The following FAM110B variants were observed in gnomAD, a reference collection of about 807,000 sequenced individuals.
FAM110B encodes family with sequence similarity 110 member B.
A neutral mutation model predicts 20.4 loss-of-function variants in FAM110B; 6 were observed. The ratio of observed to expected loss-of-function variants is 0.29; its 90% CI spans 0.16 to 0.58. The LOEUF is 0.58. FAM110B is among the 20% of genes least tolerant of loss of function. FAM110B has a pLI of 0.90. For missense variants in FAM110B, 434 were observed against 498.2 expected (o/e 0.87, Z 1.23); for synonymous variants, 226 against 214.1 (o/e 1.06, Z -0.49).
chr8:58,097,823 C>T (rs927099802), intron 3 of FAM110B, among the ~76,000 whole-genome samples: 1 of 152,208 alleles, frequency 6.6e-6, no homozygotes, highest in Non-Finnish European at 1.5e-5. Context: ...AACAGTCAGG[C>T]CCCTCTGCTA....
intron 2 of FAM110B, among the ~76,000 whole-genome samples, chr8:58,059,727 G>GAGC: frequency 6.6e-6 from 1 of 151,224 alleles, no homozygotes; most frequent in Non-Finnish European, 1.5e-5. Context: ...GTTATTTGAT[G>GAGC]AGCAGACATT....
chr8:58,147,398 G>A lies in FAM110B; in HGVS notation c.*55G>A. ...TCTCTGTGCTTACGCAGTTGTGAAG[G>A]TTGTGAGGTCTCCTTGAAGTGTTGT... On this transcript the variant is annotated 3_prime_UTR_variant, in exon 4 of 4. Coordinates refer to ENST00000519262, the MANE Select transcript of FAM110B (RefSeq NM_001377989.1). The A allele has an allele frequency of 1.3e-6, 2 of 1,558,928 alleles. No individual in the cohort carries two copies. The highest frequency in any genetic ancestry group is 1.7e-6 in the Non-Finnish European group (2 of 1,150,934).
intron 3 of FAM110B, among the ~76,000 whole-genome samples, chr8:58,079,907 G>T (rs1806147464): frequency 6.6e-6 from 1 of 152,170 alleles, no homozygotes; most frequent in South Asian, 2.1e-4. Context: ...TGTAAATGTA[G>T]TCACTGTTTT....
intron 3 of FAM110B, among the ~76,000 whole-genome samples, chr8:58,137,559 TA>T (rs1411822984): frequency 1.9e-4 from 28 of 146,648 alleles, no homozygotes; most frequent in East Asian, 4.0e-4. Context: ...GCCTCCGTCT[TA>T]AAAAAAAAAA....
intron 3 of FAM110B, among the ~76,000 whole-genome samples, chr8:58,141,778 G>T (rs140234574): frequency 3.9e-5 from 6 of 152,118 alleles, no homozygotes; most frequent in Non-Finnish European, 4.4e-5. Context: ...TTGCTGTTGC[G>T]TCAACAATGA....
intron 3 of FAM110B, among the ~76,000 whole-genome samples, chr8:58,121,392 G>A (rs983025563): frequency 2.6e-5 from 4 of 152,304 alleles, no homozygotes; most frequent in African/African-American, 9.6e-5. Context: ...CAGATTCCAA[G>A]CATCCATATG....
intron 3 of FAM110B, among the ~76,000 whole-genome samples, chr8:58,081,274 T>C (rs983049609): frequency 6.6e-6 from 1 of 152,168 alleles, no homozygotes; most frequent in Non-Finnish European, 1.5e-5. Context: ...TGGCACAACC[T>C]CAGCTTACTC....
At chr8:58,061,093 G>A (rs779072455) in intron 2 of FAM110B, among the ~76,000 whole-genome samples, 17 of 152,136 alleles carry the variant, frequency 1.1e-4, no homozygotes, top group Non-Finnish European at 2.1e-4. Context: ...CTAAAGCCTG[G>A]CATTGATTTA....
intron 2 of FAM110B, among the ~76,000 whole-genome samples, chr8:58,046,127 A>T (rs1419813392): frequency 1.3e-5 from 2 of 152,096 alleles, no homozygotes; most frequent in African/African-American, 4.8e-5. Flanking sequence ...TTCTGCTATG[A>T]TCTTATTGTT....
At chr8:58,027,485 T>A (rs1321416860) in intron 1 of FAM110B, among the ~76,000 whole-genome samples, 2 of 152,126 alleles carry the variant, frequency 1.3e-5, no homozygotes, top group African/African-American at 4.8e-5. Context: ...TTACTGATTT[T>A]AAGTGTATGG....
intron 3 of FAM110B, among the ~76,000 whole-genome samples, chr8:58,111,945 C>T (rs2150619799): frequency 6.6e-6 from 1 of 152,262 alleles, no homozygotes; most frequent in Non-Finnish European, 1.5e-5. Context: ...ACACTTCAAG[C>T]AAAAGGCCAC....
chr8:58,000,735 A>C (rs1282920654), intron 1 of FAM110B, among the ~76,000 whole-genome samples: 1 of 152,214 alleles, frequency 6.6e-6, no homozygotes, highest in Non-Finnish European at 1.5e-5. Flanking sequence ...ATACCAGTGA[A>C]TCCTGATTAC....
rs942500306 is a variant in FAM110B, at chr8:58,070,369, G to A, written c.-413-5166G>A. The stretch of plus-strand genomic sequence containing the variant: ...CAGCCGGCTGCTGTGGGAGGTCAGT[G>A]AAGGAGGCTCAGTTCATGGTAATTA... On this transcript the variant is annotated intron_variant, in intron 2 of 3. Coordinates refer to ENST00000519262, the MANE Select transcript of FAM110B (RefSeq NM_001377989.1). 2.0e-5 allele frequency: 3 copies of A among 152,240 alleles called. No individual in the cohort carries two copies. In the South Asian group the frequency reaches 6.2e-4, roughly 32 times the overall value. 9.4% of individuals were successfully genotyped at this position (152,240 alleles called of 1,614,324 possible). A position where few individuals can be genotyped will look rare whatever the true frequency, so the allele number is the denominator to read the frequency against.
Position 58,146,187 on chromosome 8 carries a change from C to G in FAM110B, c.-44C>G, listed in dbSNP as rs1036438168. The G allele has an allele frequency of 6.4e-7, 1 of 1,551,370 alleles. No homozygotes were observed. Among genetic ancestry groups the G allele is most frequent in the Non-Finnish European group, 8.7e-7 (1 of 1,147,668 alleles). ...GTCTATTCAGGCCTTGCGGAGGCGC[C>G]CAGAAGAGCATCCAACACGGCTGCC... is the stretch of plus-strand genomic sequence containing the variant. On this transcript the variant is annotated 5_prime_UTR_variant, in exon 4 of 4. Coordinates refer to ENST00000519262, the MANE Select transcript of FAM110B (RefSeq NM_001377989.1).
chr8:58,085,788 C>T (rs934262400), intron 3 of FAM110B, among the ~76,000 whole-genome samples: 2 of 152,164 alleles, frequency 1.3e-5, no homozygotes, highest in Non-Finnish European at 2.9e-5. Flanking sequence ...GAAGTTTTTG[C>T]GGGGTGGTTT....
intron 3 of FAM110B, among the ~76,000 whole-genome samples, chr8:58,143,082 C>T (rs1803777402): frequency 6.6e-6 from 1 of 152,250 alleles, no homozygotes; most frequent in Non-Finnish European, 1.5e-5. Context: ...CACTGTATAG[C>T]TCTGTCCCAG....
At chr8:58,136,755 A>T (rs996869055) in intron 3 of FAM110B, among the ~76,000 whole-genome samples, 2 of 152,096 alleles carry the variant, frequency 1.3e-5, no homozygotes, top group Non-Finnish European at 2.9e-5. Flanking sequence ...GAAATGTGAA[A>T]TTTTTTTCTG....
chr8:58,125,354 A>G (rs1348014559), intron 3 of FAM110B, among the ~76,000 whole-genome samples: 1 of 152,178 alleles, frequency 6.6e-6, no homozygotes, highest in Non-Finnish European at 1.5e-5. Flanking sequence ...AAAGAAAGTT[A>G]TTGAGAAACT....
At chr8:58,038,535 T>G (rs1414236764) in intron 2 of FAM110B, among the ~76,000 whole-genome samples, 2 of 152,200 alleles carry the variant, frequency 1.3e-5, no homozygotes, top group East Asian at 3.8e-4. Context: ...GTGGATCACT[T>G]GAGGTCAGGA....
Sources: gnomAD v4.1 joint callset for allele counts (sites outside exome capture counted in the v4.1 genomes callset) on GRCh38, gnomAD v4.1.1 for gene constraint, MANE v1.5 for transcripts, NCBI Gene and HGNC (gene_info 2026-07-23, HGNC 2026-07-21) for gene names.